Variants in PRKCI observed in about 807,000 individuals in gnomAD.
The protein encoded by PRKCI is protein kinase C iota type.
Under a neutral mutation model 84.0 loss-of-function variants are expected in PRKCI, and 43 were observed. The observed-to-expected ratio is 0.51, with a 90% CI of 0.40 to 0.66. The LOEUF (loss-of-function observed/expected upper bound fraction) is 0.66, where lower values mean the gene tolerates loss of function less well. Among genes scored for constraint, PRKCI ranks in the 30% least tolerant of loss-of-function variants. The pLI is 0.00. For missense variants in PRKCI, 459 were observed against 745.6 expected (o/e 0.62, Z 4.48); for synonymous variants, 216 against 234.4 (o/e 0.92, Z 0.72).
rs1734574092 is a variant in PRKCI at position 170,292,422 on chromosome 3, A to T, written c.1291+481A>T. Among the ~76,000 whole-genome samples the T allele has an allele frequency of 2.0e-5, 3 of 152,202 alleles. No individual in the cohort carries two copies. The South Asian group carries it at 6.2e-4, about 31-fold the overall frequency. The stretch of plus-strand genomic sequence containing the variant: ...CCCAGGAATCTGAAAGATGGTGGAA[A>T]GATTAACTGTATCTCAGGCACCCGA... On this transcript the variant is annotated intron_variant, in intron 13 of 17. Transcript: ENST00000295797.
At chr3:170,229,603 A>G (rs1363547315) in intron 1 of PRKCI, among the ~76,000 whole-genome samples, 4 of 152,148 alleles carry the variant, frequency 2.6e-5, no homozygotes, top group African/African-American at 9.7e-5. Flanking sequence ...AGCCACCATA[A>G]TATGTTTAAT....
chr3:170,296,309 G>A lies in PRKCI; in HGVS notation c.1497+319G>A, dbSNP rs139660564. Among the ~76,000 whole-genome samples, 191 of 152,262 alleles carry A rather than the reference G, an allele frequency of 1.3e-3. 4 individuals are homozygous for A. Among genetic ancestry groups the A allele is most frequent in the African/African-American group, 4.4e-3 (183 of 41,556 alleles). On this transcript the variant is annotated intron_variant, in intron 15 of 17. Coordinates refer to ENST00000295797, the MANE Select transcript of PRKCI (RefSeq NM_002740.6). ...TTGGGTTTAGCCATAATTGTACTTT[G>A]AACTCTGTTTCCATTTTCTCTGTAT...
At position 170,228,400 on chromosome 3, in the gene PRKCI, G is replaced by T. The variant is rs550405217; in HGVS notation, c.101+5630G>T. Among the ~76,000 whole-genome samples, 23 of 152,234 alleles carry T rather than the reference G, an allele frequency of 1.5e-4. No homozygotes were observed. The East Asian group carries it at 4.2e-3, about 28-fold the overall frequency. ...GAATCACTTGAGCCCAGGAATTGGA[G>T]ACCAGCCTGGGCTGAATGTGGTGAA... On this transcript the variant is annotated intron_variant, in intron 1 of 17. Transcript: ENST00000295797.
chr3:170,253,951 GC>G (rs1259146874), intron 2 of PRKCI, among the ~76,000 whole-genome samples: 1 of 151,930 alleles, frequency 6.6e-6, no homozygotes, highest in East Asian at 1.9e-4. Flanking sequence ...ACAAAAATTA[GC>G]TGGGCATGGT....
intron 17 of PRKCI, among the ~76,000 whole-genome samples, chr3:170,300,845 G>A (rs562788176): frequency 6.6e-6 from 1 of 152,194 alleles, no homozygotes; most frequent in African/African-American, 2.4e-5. Context: ...TGGTACTCAT[G>A]GCTTTGCCTT....
chr3:170,287,213 C>T (rs1476864255), intron 12 of PRKCI, among the ~76,000 whole-genome samples: 1 of 151,884 alleles, frequency 6.6e-6, no homozygotes, highest in East Asian at 1.9e-4. Flanking sequence ...TGCTTGTAGT[C>T]CCAGCTACTT....
intron 6 of PRKCI, among the ~76,000 whole-genome samples, chr3:170,271,518 A>G (rs1196377095): frequency 1.3e-5 from 2 of 152,304 alleles, no homozygotes; most frequent in East Asian, 1.9e-4. Context: ...ATGCACTTGT[A>G]CAATTGATTG....
intron 9 of PRKCI, 66 bp downstream of exon 9, chr3:170,280,469 C>A: frequency 1.4e-6 from 2 of 1,403,662 alleles, no homozygotes; most frequent in African/African-American, 1.5e-5. Context: ...TTTTTTGAAA[C>A]GGAGTTTCGC....
intron 2 of PRKCI, among the ~76,000 whole-genome samples, chr3:170,237,322 A>C (rs1218242571): frequency 2.0e-5 from 3 of 152,190 alleles, no homozygotes; most frequent in Non-Finnish European, 4.4e-5. Context: ...AGCTTTGCAG[A>C]TCACATTAAA....
chr3:170,244,904 A>C (rs1404866834), intron 2 of PRKCI: 2 of 152,206 alleles, frequency 1.3e-5, no homozygotes, highest in East Asian at 3.8e-4. Flanking sequence ...TAAATAAAAC[A>C]GGTTATAGGA....
chr3:170,257,675 T>G (rs1190451479), intron 2 of PRKCI, among the ~76,000 whole-genome samples: 1 of 151,448 alleles, frequency 6.6e-6, no homozygotes, highest in Non-Finnish European at 1.5e-5. Flanking sequence ...TTTTTTTTTT[T>G]TTTTTTGAGA....
chr3:170,302,227 C>T (rs1485811329), intron 17 of PRKCI, among the ~76,000 whole-genome samples: 3 of 152,178 alleles, frequency 2.0e-5, no homozygotes. Flanking sequence ...ACTTGCATTT[C>T]CCAAGACCTA....
At chr3:170,248,201 A>G (rs1733340250) in intron 2 of PRKCI, among the ~76,000 whole-genome samples, 1 of 152,192 alleles carries the variant, frequency 6.6e-6, no homozygotes. Context: ...ACTAAATAAA[A>G]CAAGAGTTAC....
intron 4 of PRKCI, among the ~76,000 whole-genome samples, chr3:170,266,548 T>TAA (rs202061036): frequency 2.2e-5 from 3 of 139,162 alleles, no homozygotes; most frequent in African/African-American, 7.9e-5. Context: ...CCAGACTCTT[T>TAA]AAAAAAAAAA....
chr3:170,245,641 G>A (rs1025321766), intron 2 of PRKCI, among the ~76,000 whole-genome samples: 7 of 151,980 alleles, frequency 4.6e-5, no homozygotes, highest in African/African-American at 1.7e-4. Flanking sequence ...ATACACTTAT[G>A]ATCCCCACAC....
rs191322386 is a variant in PRKCI, at chr3:170,232,143, C to T, written c.102-3087C>T. Among the ~76,000 whole-genome samples, 38 of 150,296 alleles carry T rather than the reference C, an allele frequency of 2.5e-4. No homozygotes were observed. The East Asian group carries it at 7.6e-3, about 30-fold the overall frequency. ...ACAGCTCACTGCAGCCTTAACTGCC[C>T]AGGCTCACGCAGTCCTCCTACCTCA... On this transcript the variant is annotated intron_variant, in intron 1 of 17. Coordinates refer to ENST00000295797, the MANE Select transcript of PRKCI (RefSeq NM_002740.6).
intron 2 of PRKCI, among the ~76,000 whole-genome samples, chr3:170,251,699 C>T (rs1253417374): frequency 1.3e-5 from 2 of 151,118 alleles, no homozygotes; most frequent in Non-Finnish European, 2.9e-5. Flanking sequence ...CACTTGAGGT[C>T]AGGAGTTCAA....
At chr3:170,234,940 A>G (rs1441705634) in intron 1 of PRKCI, among the ~76,000 whole-genome samples, 1 of 151,320 alleles carries the variant, frequency 6.6e-6, no homozygotes, top group East Asian at 1.9e-4. Context: ...GCCTCTGGCT[A>G]ATTTTTTTTT....
intron 4 of PRKCI, 143 bp from the exon 5 acceptor site, chr3:170,267,772 A>C: frequency 2.0e-6 from 1 of 509,108 alleles, no homozygotes; most frequent in Non-Finnish European, 3.4e-6. Context: ...TGATGAATCT[A>C]TTTTATTTTT....
Sources: gnomAD v4.1 joint callset for allele counts (sites outside exome capture counted in the v4.1 genomes callset) on GRCh38, gnomAD v4.1.1 for gene constraint, MANE v1.5 for transcripts, NCBI Gene and HGNC (gene_info 2026-07-23, HGNC 2026-07-21) for gene names.